TEX2: variants seen among roughly 807,000 people sequenced by gnomAD.
The protein encoded by TEX2 is testis-expressed protein 2.
TEX2 carries 53 observed loss-of-function variants against 106.9 expected under a neutral mutation model. The observed-to-expected ratio is 0.50, with a 90% CI of 0.40 to 0.62. The LOEUF (loss-of-function observed/expected upper bound fraction) is 0.62, where lower values mean the gene tolerates loss of function less well. Among genes scored for constraint, TEX2 ranks in the 20% least tolerant of loss-of-function variants. The probability of loss-of-function intolerance (pLI) is 0.00; values close to 1 mark genes in which losing one functional copy is unlikely to be tolerated. For missense variants in TEX2, 1,207 were observed against 1,379.0 expected, an observed-to-expected ratio of 0.88 and a Z score of 1.98; for synonymous variants, 523 against 534.8, an observed-to-expected ratio of 0.98 and a Z score of 0.30.
Position 64,153,887 on chromosome 17 carries a change from G to A in TEX2, c.2931-733C>T, listed in dbSNP as rs771986551. Among the ~76,000 whole-genome samples the A allele has an allele frequency of 7.2e-5, 11 of 152,230 alleles. No individual in the cohort carries two copies. The highest frequency in any genetic ancestry group is 9.6e-5 in the African/African-American group (4 of 41,532). On this transcript the variant is annotated intron_variant, in intron 9 of 11. Transcript: ENST00000584379. This position sits in a 1 kb window ranked among gnomAD's most constrained non-coding sequence, Gnocchi z 4.1. ...GTTGAGGCTGCATTGAGCTATGATCGTGCCACTGCACTCCAGGCCTGGGTG... is the reference window on the plus strand; with the variant it reads ...GTTGAGGCTGCATTGAGCTATGATCATGCCACTGCACTCCAGGCCTGGGTG...
chr17:64,155,211 T>C (rs2030561646), intron 8 of TEX2: 2 of 385,086 alleles, frequency 5.2e-6, no homozygotes, highest in Admixed American at 4.6e-5. Context: ...ACAGAGGCCT[T>C]GGACCCAGAA....
At chr17:64,196,955 C>T (rs890236183) in intron 2 of TEX2, among the ~76,000 whole-genome samples, 12 of 138,938 alleles carry the variant, frequency 8.6e-5, no homozygotes, top group African/African-American at 1.6e-4. Context: ...TGCTACATCA[C>T]GGAAATCAGG....
chr17:64,189,984 CAAA>C (rs749574684), intron 4 of TEX2, among the ~76,000 whole-genome samples: 4 of 109,818 alleles, frequency 3.6e-5, no homozygotes, highest in Admixed American at 9.8e-5. Context: ...GACTCTGTCT[CAAA>C]AAAAAAAAAA....
intron 5 of TEX2, among the ~76,000 whole-genome samples, chr17:64,179,971 C>T (rs2031788221): frequency 6.6e-6 from 1 of 152,198 alleles, no homozygotes; most frequent in South Asian, 2.1e-4. Flanking sequence ...GAATGCTTGG[C>T]CATGCCATAA....
intron 1 of TEX2, among the ~76,000 whole-genome samples, chr17:64,226,314 T>G (rs1430453110): frequency 6.6e-6 from 1 of 152,142 alleles, no homozygotes; most frequent in Non-Finnish European, 1.5e-5. Flanking sequence ...AAGCTTCATT[T>G]TGAAATAATG....
intron 5 of TEX2, among the ~76,000 whole-genome samples, chr17:64,179,369 A>G (rs2031745595): frequency 6.6e-6 from 1 of 152,208 alleles, no homozygotes; most frequent in African/African-American, 2.4e-5. Context: ...TAGGACAAAA[A>G]CAGAACATGG....
intron 5 of TEX2, among the ~76,000 whole-genome samples, chr17:64,184,189 C>A (rs890011108): frequency 1.3e-5 from 2 of 152,182 alleles, no homozygotes; most frequent in African/African-American, 2.4e-5. Flanking sequence ...GCTCTGACCT[C>A]CCTGACTCGA....
chr17:64,258,813 G>A (rs2034234673), intron 1 of TEX2, among the ~76,000 whole-genome samples: 1 of 151,326 alleles, frequency 6.6e-6, no homozygotes, highest in South Asian at 2.1e-4. Flanking sequence ...AGGCTGGAGT[G>A]CAGTGGTGCG....
intron 1 of TEX2, among the ~76,000 whole-genome samples, chr17:64,233,437 G>T (rs1222404546): frequency 6.6e-6 from 1 of 152,170 alleles, no homozygotes; most frequent in African/African-American, 2.4e-5. Flanking sequence ...GCCAGGCGCG[G>T]TGGCAGGCGC....
intron 5 of TEX2, among the ~76,000 whole-genome samples, chr17:64,180,312 C>T (rs1424210926): frequency 6.6e-6 from 1 of 152,198 alleles, no homozygotes; most frequent in African/African-American, 2.4e-5. Flanking sequence ...ACAGTTTTAG[C>T]ACAAAATAGC....
chr17:64,191,662 TA>T (rs2032298905), intron 4 of TEX2, among the ~76,000 whole-genome samples: 1 of 151,478 alleles, frequency 6.6e-6, no homozygotes, highest in African/African-American at 2.4e-5. Context: ...ACTAAAGATA[TA>T]AAAAATTAGC....
chr17:64,252,670 T>C (rs1276467653), intron 1 of TEX2, among the ~76,000 whole-genome samples: 1 of 152,182 alleles, frequency 6.6e-6, no homozygotes, highest in Non-Finnish European at 1.5e-5. Context: ...TATTTTCTAA[T>C]GTGGCTTGCA....
At position 64,183,348 on chromosome 17, in the gene TEX2, TG is replaced by T. The variant is rs1263186740; in HGVS notation, c.2424+4819del. On this transcript the variant is annotated intron_variant, in intron 5 of 11. Transcript: ENST00000584379. ...CATATGGTGACTCTGTTTAACTTTT[TG>T]AGGAAATACCAAACTATTTCCCACA... Among the ~76,000 whole-genome samples the T allele has an allele frequency of 2.0e-5, 3 of 152,254 alleles. No homozygotes were observed. In the East Asian group the frequency reaches 5.8e-4, roughly 29 times the overall value.
intron 2 of TEX2, among the ~76,000 whole-genome samples, chr17:64,207,953 C>T (rs1384179229): frequency 6.6e-6 from 1 of 152,090 alleles, no homozygotes; most frequent in African/African-American, 2.4e-5. Context: ...CCAGGATGGT[C>T]TCGATCTCCT....
rs1203876157 is a variant in TEX2, at chr17:64,224,137, T to C, written c.-25-9895A>G. 3.9e-4 allele frequency among the ~76,000 whole-genome samples: 59 copies of C among 152,204 alleles called. 1 individual carries two copies. ...CATCTGCTAGCTTGGGTTATGTCAG[T>C]CAACAGTTTCAATCCAAAAGCTCCT... On this transcript the variant is annotated intron_variant, in intron 1 of 11. Coordinates refer to ENST00000584379, the MANE Select transcript of TEX2 (RefSeq NM_001288732.2).
intron 8 of TEX2, among the ~76,000 whole-genome samples, chr17:64,159,179 C>T (rs1382282578): frequency 6.6e-6 from 1 of 152,188 alleles, no homozygotes. Context: ...CTGGTTGCCA[C>T]CCCCGGTGCC....
At position 64,170,622 on chromosome 17, in the gene TEX2, C is replaced by CTTTTTTTTTTT. The variant is rs71156002; in HGVS notation, c.2671+467_2671+477dup. On this transcript the variant is annotated intron_variant, in intron 7 of 11. Transcript: ENST00000584379. ...ATGGGAGCTTGGATCTATTCCAAAT[C>CTTTTTTTTTTT]TTTTTTTTTTTTTTTTTTTTTTTTT... Among the ~76,000 whole-genome samples, 117 of 73,746 alleles carry CTTTTTTTTTTT rather than the reference C, an allele frequency of 1.6e-3. 11 individuals are homozygous for CTTTTTTTTTTT. Among genetic ancestry groups the CTTTTTTTTTTT allele is most frequent in the Admixed American group, 2.7e-3 (12 of 4,442 alleles). 48.4% of individuals were successfully genotyped at this position (73,746 alleles called of 152,430 possible).
Position 64,254,297 on chromosome 17 carries a change from C to T in TEX2, c.-26+8871G>A, listed in dbSNP as rs539450852. On this transcript the variant is annotated intron_variant, in intron 1 of 11. Coordinates refer to ENST00000584379, the MANE Select transcript of TEX2 (RefSeq NM_001288732.2). Reference sequence around the variant, plus strand: ...TTCCTTCTACTACATAATCAAACTCCTTTTCTCTAAAATGTACTGAGTTTG... The same window carrying T: ...TTCCTTCTACTACATAATCAAACTCTTTTTCTCTAAAATGTACTGAGTTTG... Among the ~76,000 whole-genome samples the T allele has an allele frequency of 2.0e-5, 3 of 152,314 alleles. No homozygotes were observed. The South Asian group carries it at 6.2e-4, about 32-fold the overall frequency.
chr17:64,253,722 C>T (rs527444404), intron 1 of TEX2, among the ~76,000 whole-genome samples: 3 of 152,216 alleles, frequency 2.0e-5, no homozygotes, highest in African/African-American at 7.2e-5. Context: ...AGCTTGCATT[C>T]GTAGTGAGGA....
Sources: gnomAD v4.1 joint callset for allele counts (sites outside exome capture counted in the v4.1 genomes callset) on GRCh38, gnomAD v4.1.1 for gene constraint, Gnocchi (gnomAD v3.1) non-coding constraint, MANE v1.5 for transcripts, NCBI Gene and HGNC (gene_info 2026-07-23, HGNC 2026-07-21) for gene names.